Variants in DLG1 observed in about 807,000 individuals in gnomAD.
DLG1 encodes the protein discs large MAGUK scaffold protein 1.
In DLG1, 42 loss-of-function variants were observed where a neutral mutation model predicts 123.4. The ratio of observed to expected loss-of-function variants is 0.34; its 90% CI spans 0.27 to 0.44. DLG1 has a LOEUF of 0.44. DLG1 is among the 20% of genes least tolerant of loss of function. The pLI is 1.00. For synonymous variants in DLG1, 317 were observed against 356.2 expected (o/e 0.89, Z 1.24); for missense variants, 942 against 1,082.6 (o/e 0.87, Z 1.82).
chr3:197,092,760 C>T (rs1758454687), intron 14 of DLG1, among the ~76,000 whole-genome samples: 1 of 152,208 alleles, frequency 6.6e-6, no homozygotes, highest in South Asian at 2.1e-4. Context: ...GCTTTGGCCT[C>T]TCACAGCTCT....
intron 4 of DLG1, among the ~76,000 whole-genome samples, chr3:197,274,042 C>T (rs546379932): frequency 2.2e-4 from 34 of 152,204 alleles, no homozygotes; most frequent in African/African-American, 8.2e-4. Context: ...AAGCAATATA[C>T]AGATTCAATG....
At chr3:197,052,069 G>C (rs1177786714) in intron 23 of DLG1, among the ~76,000 whole-genome samples, 1 of 152,018 alleles carries the variant, frequency 6.6e-6, no homozygotes, top group Admixed American at 6.5e-5. Flanking sequence ...CCGAACTCCT[G>C]ACCCCAGGTA....
intron 4 of DLG1, among the ~76,000 whole-genome samples, chr3:197,242,564 A>G (rs956304951): frequency 1.3e-5 from 2 of 151,816 alleles, no homozygotes; most frequent in Non-Finnish European, 2.9e-5. Context: ...AATAAAAAAA[A>G]AAATAGAAAT....
chr3:197,208,837 CT>C (rs1218760741), intron 4 of DLG1, among the ~76,000 whole-genome samples: 1 of 145,490 alleles, frequency 6.9e-6, no homozygotes, highest in Non-Finnish European at 1.5e-5. Flanking sequence ...AGAGGGAGAC[CT>C]TTTCATCTTC....
chr3:197,145,194 A>G (rs982052838), intron 6 of DLG1, among the ~76,000 whole-genome samples: 1 of 152,288 alleles, frequency 6.6e-6, no homozygotes, highest in Non-Finnish European at 1.5e-5. Context: ...CTTTGTTACG[A>G]GTAAAATTTT....
chr3:197,210,019 T>C (rs1730506153), intron 4 of DLG1, among the ~76,000 whole-genome samples: 1 of 146,104 alleles, frequency 6.8e-6, no homozygotes, highest in Admixed American at 6.9e-5. Context: ...CTTTTATCTC[T>C]CCCATGGCTG....
intron 17 of DLG1, among the ~76,000 whole-genome samples, chr3:197,078,971 G>T (rs1370967150): frequency 2.0e-5 from 3 of 152,038 alleles, no homozygotes; most frequent in African/African-American, 7.2e-5. Flanking sequence ...TCATAATATA[G>T]GACAGAGAGA....
At chr3:197,260,783 A>T (rs1759028066) in intron 4 of DLG1, among the ~76,000 whole-genome samples, 1 of 126,528 alleles carries the variant, frequency 7.9e-6, no homozygotes, top group East Asian at 2.0e-4. Context: ...AAAAAAAAAA[A>T]ATCACTAAAA....
rs1001731450 is a variant in DLG1, at chr3:197,050,298, C to T, written c.2575+1279G>A. Among the ~76,000 whole-genome samples the T allele has an allele frequency of 3.4e-4, 51 of 150,536 alleles. 1 individual carries two copies. The highest frequency in any genetic ancestry group is 1.2e-3 in the African/African-American group (49 of 40,996). ...AGGAGAATGGCGTGAACACGGAAGG[C>T]GGAGGTTGCAGTGAGCCGAGATTGC... is the stretch of plus-strand genomic sequence containing the variant. On this transcript the variant is annotated intron_variant, in intron 24 of 24. Coordinates refer to ENST00000667157, the MANE Select transcript of DLG1 (RefSeq NM_001366207.1).
intron 4 of DLG1, among the ~76,000 whole-genome samples, chr3:197,246,137 G>C (rs1432388513): frequency 6.6e-6 from 1 of 152,082 alleles, no homozygotes; most frequent in Admixed American, 6.6e-5. Flanking sequence ...ACCGATTATT[G>C]GGCAGTCTTT....
At chr3:197,145,663 G>A (rs1358087507) in intron 6 of DLG1, among the ~76,000 whole-genome samples, 1 of 152,108 alleles carries the variant, frequency 6.6e-6, no homozygotes, top group Non-Finnish European at 1.5e-5. Flanking sequence ...AGGAATCTGA[G>A]ATTTTTCACC....
chr3:197,210,577 T>C (rs1439451967), intron 4 of DLG1, among the ~76,000 whole-genome samples: 1 of 143,496 alleles, frequency 7.0e-6, no homozygotes, highest in African/African-American at 2.5e-5. Flanking sequence ...CCACACACCA[T>C]ATTCTGACAC....
intron 4 of DLG1, among the ~76,000 whole-genome samples, chr3:197,261,531 T>C (rs1441679121): frequency 6.6e-6 from 1 of 152,202 alleles, no homozygotes; most frequent in African/African-American, 2.4e-5. Flanking sequence ...CCACAAAGTT[T>C]CCTCACAGTT....
intron 4 of DLG1, among the ~76,000 whole-genome samples, chr3:197,235,726 C>T (rs922840346): frequency 2.0e-5 from 3 of 152,188 alleles, no homozygotes; most frequent in Non-Finnish European, 2.9e-5. Context: ...ATTACATTCA[C>T]AATGTCTGGG....
chr3:197,231,841 G>A (rs1034854375), intron 4 of DLG1, among the ~76,000 whole-genome samples: 1 of 152,030 alleles, frequency 6.6e-6, no homozygotes, highest in South Asian at 2.1e-4. Flanking sequence ...TGATCAAACT[G>A]CACTACCTTG....
chr3:197,048,719 G>C (rs1023528410), intron 24 of DLG1, among the ~76,000 whole-genome samples: 1 of 152,024 alleles, frequency 6.6e-6, no homozygotes, highest in African/African-American at 2.4e-5. Context: ...GCAATTGTGC[G>C]ATCTTGGCTC....
At chr3:197,064,799 A>G (rs1194654011) in intron 22 of DLG1, among the ~76,000 whole-genome samples, 2 of 151,588 alleles carry the variant, frequency 1.3e-5, no homozygotes, top group Non-Finnish European at 2.9e-5. Context: ...AGATTTATTG[A>G]TCTTTCTTTT....
At chr3:197,180,190 A>G (rs1809452127) in intron 5 of DLG1, among the ~76,000 whole-genome samples, 1 of 152,022 alleles carries the variant, frequency 6.6e-6, no homozygotes, top group Non-Finnish European at 1.5e-5. Context: ...ACAGTTATTT[A>G]AAGTTCATAT....
At chr3:197,176,053 C>G (rs924008190) in intron 5 of DLG1, among the ~76,000 whole-genome samples, 4 of 152,068 alleles carry the variant, frequency 2.6e-5, no homozygotes, top group African/African-American at 9.7e-5. Context: ...TCTAAACAAT[C>G]AAGACACTAT....
Sources: allele counts gnomAD v4.1 joint callset (sites outside exome capture counted in the v4.1 genomes callset), GRCh38; gene constraint gnomAD v4.1.1; transcripts MANE v1.5; gene names NCBI Gene and HGNC (gene_info 2026-07-23, HGNC 2026-07-21).